VIT: variants seen among roughly 807,000 people sequenced by gnomAD.
VIT encodes the protein vitrin.
Under a neutral mutation model 78.0 loss-of-function variants are expected in VIT, and 99 were observed. That is an observed-to-expected ratio of 1.27 (90% confidence interval 1.08 to 1.50). The LOEUF is 1.50. VIT is among the 40% of genes most tolerant of loss of function. VIT has a pLI of 0.00. For synonymous variants in VIT, 374 were observed against 334.3 expected (o/e 1.12, Z -1.29); for missense variants, 1,126 against 875.3 (o/e 1.29, Z -3.61).
chr2:36,777,409 G>A (rs545044876), intron 9 of VIT, among the ~76,000 whole-genome samples: 1 of 151,804 alleles, frequency 6.6e-6, no homozygotes. Flanking sequence ...GTCTTTGCTG[G>A]ACTTGGCAGT....
intron 2 of VIT, 87 bp from the exon 3 acceptor site, chr2:36,729,339 T>G: frequency 8.6e-7 from 1 of 1,166,860 alleles, no homozygotes; most frequent in Non-Finnish European, 1.2e-6. Context: ...GAATACTTTG[T>G]GGATGATCGA....
intron 12 of VIT, among the ~76,000 whole-genome samples, chr2:36,793,578 G>A (rs1435688933): frequency 6.6e-6 from 1 of 152,200 alleles, no homozygotes; most frequent in Non-Finnish European, 1.5e-5. Context: ...CGTGTGACCT[G>A]AAACATCCTC....
intron 5 of VIT, among the ~76,000 whole-genome samples, chr2:36,757,735 T>C (rs1668855820): frequency 6.6e-6 from 1 of 152,258 alleles, no homozygotes. Context: ...TCTATGGAGA[T>C]ACATAGTTCC....
intron 3 of VIT, among the ~76,000 whole-genome samples, chr2:36,735,326 T>C (rs1667448701): frequency 6.6e-6 from 1 of 152,242 alleles, no homozygotes; most frequent in Admixed American, 6.5e-5. Context: ...TTTTATGTGC[T>C]CAGTTGTATT....
rs556519957 is a variant in VIT at position 36,719,025 on chromosome 2, A to G, written c.52+2603A>G. The stretch of plus-strand genomic sequence containing the variant: ...AGTCGAACAAATAAAACAAACAAAC[A>G]AACTGAGGCCATTTCACCTTCTGCA... On this transcript the variant is annotated intron_variant, in intron 2 of 15. Coordinates refer to ENST00000379242, the MANE Select transcript of VIT (RefSeq NM_053276.4). 3.3e-5 allele frequency among the ~76,000 whole-genome samples: 5 copies of G among 152,316 alleles called. 1 individual carries two copies. In the South Asian group the frequency reaches 1.0e-3, roughly 32 times the overall value.
intron 6 of VIT, among the ~76,000 whole-genome samples, chr2:36,763,869 G>A (rs572278959): frequency 2.2e-4 from 34 of 152,086 alleles, no homozygotes; most frequent in Admixed American, 3.9e-4. Context: ...GATTACAGGC[G>A]TCTATCTTCC....
intron 1 of VIT, among the ~76,000 whole-genome samples, chr2:36,713,947 G>A (rs1168878956): frequency 6.6e-6 from 1 of 152,160 alleles, no homozygotes; most frequent in East Asian, 1.9e-4. Flanking sequence ...TACAAAAAAA[G>A]TCCCTGTTAT....
At position 36,808,952 on chromosome 2, in the gene VIT, G is replaced by T; in HGVS notation, c.1870G>T (p.Val624Phe). 6.2e-7 allele frequency: 1 copy of T among 1,601,998 alleles called. No homozygotes were observed. Among genetic ancestry groups the T allele is most frequent in the Non-Finnish European group, 8.5e-7 (1 of 1,171,924 alleles). The change falls in exon 15 of 16, where the codon GTC (valine) becomes TTC (phenylalanine). Residue 624 changes from valine to phenylalanine, a missense_variant. By Grantham distance (50) the Val-to-Phe change is conservative. Coordinates refer to ENST00000379242, the MANE Select transcript of VIT (RefSeq NM_053276.4). ...CACCGACGGGAGGTCCTACGACGAC[G>T]TCCGGATCCCAGCCATGGCTGCCCA... is the stretch of plus-strand genomic sequence containing the variant. ...LITDGRSYDDVRIPAMAAHLK... is the reference protein window; with the variant it reads ...LITDGRSYDDFRIPAMAAHLK...
rs138079041 is a variant in VIT at position 36,744,262 on chromosome 2, A to G, written c.275+1006A>G. On this transcript the variant is annotated intron_variant, in intron 4 of 15. Transcript: ENST00000379242. ...CTTTGCTATTGTGAATAGTGCTGCA[A>G]CGAACATACTGGTGCATGTGTCTTT... Among the ~76,000 whole-genome samples the G allele has an allele frequency of 5.2e-4, 79 of 152,332 alleles. 1 individual carries two copies. In the East Asian group the frequency reaches 0.012, roughly 22 times the overall value.
intron 1 of VIT, among the ~76,000 whole-genome samples, chr2:36,710,304 C>A (rs1665721989): frequency 3.3e-5 from 5 of 152,148 alleles, no homozygotes. Context: ...AAGACTCCTT[C>A]CCGTCTCTGA....
chr2:36,801,372 A>G lies in VIT; in HGVS notation c.1130A>G (p.Lys377Arg), dbSNP rs1666311719. Residue 377 changes from lysine (K) to arginine (R), a missense_variant, in exon 13 of 16, where the codon AAA (lysine) becomes AGA (arginine). Lys to Arg is a conservative substitution (Grantham distance 26). Coordinates refer to ENST00000379242, the MANE Select transcript of VIT (RefSeq NM_053276.4). ...NSRDLKTAIE[K>R]ITQRGGLSNV... is the part of the protein sequence containing the mutation. ...CGAGATCTGAAGACAGCCATAGAGA[A>G]AATTACTCAGAGAGGAGGACTTTCT... 1 of 1,614,052 alleles carries G rather than the reference A, an allele frequency of 6.2e-7. No homozygotes were observed. Among genetic ancestry groups the G allele is most frequent in the Non-Finnish European group, 8.5e-7 (1 of 1,179,988 alleles).
chr2:36,767,004 T>C, intron 6 of VIT, 90 bp from the exon 7 acceptor site: 1 of 1,364,360 alleles, frequency 7.3e-7, no homozygotes, highest in Non-Finnish European at 9.6e-7. Flanking sequence ...TGCTCATAGC[T>C]AGTGTTCAAT....
chr2:36,700,584 A>G (rs55821544), intron 1 of VIT, among the ~76,000 whole-genome samples: 1,603 of 152,136 alleles, frequency 0.011, 39 homozygotes, highest in African/African-American at 0.037. Flanking sequence ...CCTACTAAAA[A>G]TTAAAAAATT....
intron 2 of VIT, among the ~76,000 whole-genome samples, chr2:36,721,898 T>C (rs555455771): frequency 1.2e-3 from 184 of 152,356 alleles, no homozygotes; most frequent in Non-Finnish European, 1.9e-3. Context: ...AGCTGCAAGA[T>C]ATTGACCTTG....
intron 11 of VIT, among the ~76,000 whole-genome samples, chr2:36,783,748 G>A (rs532968426): frequency 6.6e-5 from 10 of 152,220 alleles, no homozygotes; most frequent in Admixed American, 3.9e-4. Flanking sequence ...AGTTGGAAGT[G>A]GAAATGAAGA....
chr2:36,743,070 T>C (rs1255549482), intron 3 of VIT, 30 bp from the exon 4 acceptor site: 1 of 1,612,734 alleles, frequency 6.2e-7, no homozygotes, highest in Non-Finnish European at 8.5e-7. Flanking sequence ...TAGCACAAGG[T>C]GTAATTTTGA....
At position 36,813,036 on chromosome 2, in the gene VIT, CAAA is replaced by C. The variant is rs113165454; in HGVS notation, c.1904-1129_1904-1127del. Among the ~76,000 whole-genome samples the C allele has an allele frequency of 1.2e-3, 155 of 125,110 alleles. 1 individual carries two copies. The East Asian group carries it at 0.019, about 15-fold the overall frequency. 82.1% of individuals were successfully genotyped at this position (125,110 alleles called of 152,430 possible). A position where few individuals can be genotyped will look rare whatever the true frequency, so the allele number is the denominator to read the frequency against. On this transcript the variant is annotated intron_variant, in intron 15 of 15. Transcript: ENST00000379242. The stretch of plus-strand genomic sequence containing the variant: ...GCCACCACCCCTGGCTAATTTTTTG[CAAA>C]AAAAAAAAAAAAAAAAATAGGATTT...
intron 3 of VIT, among the ~76,000 whole-genome samples, chr2:36,738,208 A>G (rs1667623839): frequency 6.6e-6 from 1 of 152,222 alleles, no homozygotes; most frequent in East Asian, 1.9e-4. Flanking sequence ...CTGTAAGATT[A>G]GACTAGAGAA....
chr2:36,759,279 T>C, intron 6 of VIT: 2 of 1,466,138 alleles, frequency 1.4e-6, no homozygotes, highest in Non-Finnish European at 9.0e-7. Flanking sequence ...GTCTCTATAT[T>C]TGTGTCATTT....
Sources: gnomAD v4.1 joint callset for allele counts (sites outside exome capture counted in the v4.1 genomes callset) on GRCh38, gnomAD v4.1.1 for gene constraint, MANE v1.5 for transcripts, NCBI Gene and HGNC (gene_info 2026-07-23, HGNC 2026-07-21) for gene names.